MAPK10: variants seen among roughly 807,000 people sequenced by gnomAD.
MAPK10 encodes JNK3 alpha protein kinase.
MAPK10 carries 25 observed loss-of-function variants against 59.3 expected under a neutral mutation model. The ratio of observed to expected loss-of-function variants is 0.42; its 90% CI spans 0.31 to 0.59. The LOEUF is 0.59. Among genes scored for constraint, MAPK10 ranks in the 20% least tolerant of loss-of-function variants. MAPK10 has a pLI of 0.15. For missense variants in MAPK10, 351 were observed against 568.9 expected (o/e 0.62, Z 3.90); for synonymous variants, 190 against 200.5 (o/e 0.95, Z 0.44).
intron 3 of MAPK10, among the ~76,000 whole-genome samples, chr4:86,167,463 T>C (rs965316879): frequency 1.3e-5 from 2 of 152,226 alleles, no homozygotes; most frequent in African/African-American, 4.8e-5. Flanking sequence ...GATTCAAAGA[T>C]ACTCAATAAA....
chr4:86,242,142 C>A (rs1365026832), intron 2 of MAPK10, among the ~76,000 whole-genome samples: 1 of 152,016 alleles, frequency 6.6e-6, no homozygotes, highest in Non-Finnish European at 1.5e-5. Flanking sequence ...TGGGGGTTCA[C>A]TTCAGGCCCT....
At chr4:86,375,471 A>C (rs1326615131) in intron 1 of MAPK10, among the ~76,000 whole-genome samples, 1 of 152,134 alleles carries the variant, frequency 6.6e-6, no homozygotes, top group Non-Finnish European at 1.5e-5. Flanking sequence ...CTGTAATCCC[A>C]GCACTTTGGG....
chr4:86,496,470 C>G (rs973640747), intron 1 of MAPK10, among the ~76,000 whole-genome samples: 13 of 152,120 alleles, frequency 8.5e-5, no homozygotes, highest in African/African-American at 2.2e-4. Context: ...TATTTGGAAT[C>G]TGCCTATAAT....
intron 1 of MAPK10, among the ~76,000 whole-genome samples, chr4:86,435,686 T>C (rs1294969748): frequency 6.6e-6 from 1 of 152,170 alleles, no homozygotes; most frequent in Non-Finnish European, 1.5e-5. Flanking sequence ...ACCTTCTGAT[T>C]AGTCACTTTT....
chr4:86,591,952 CAT>C (rs555253261), intron 1 of MAPK10, among the ~76,000 whole-genome samples: 5 of 151,570 alleles, frequency 3.3e-5, no homozygotes, highest in Admixed American at 6.6e-5. Context: ...TTTAGTATAA[CAT>C]ATATATATAT....
Position 86,017,386 on chromosome 4 carries a change from G to A in MAPK10, c.1253-16C>T, listed in dbSNP as rs1186463230. On this transcript the variant is annotated splice_polypyrimidine_tract_variant and intron_variant, in intron 13 of 13. Transcript: ENST00000641462. This position sits in a 1 kb window ranked among gnomAD's most constrained non-coding sequence, Gnocchi z 4.4. ...ACTGCTGCACCTGTGCTAAGAAAAT[G>A]AAGACCAACATGACTCAATCTAGAA... 2 of 1,613,600 alleles carry A rather than the reference G, an allele frequency of 1.2e-6. No individual in the cohort carries two copies. Among genetic ancestry groups the A allele is most frequent in the African/African-American group, 1.3e-5 (1 of 74,902 alleles).
At chr4:86,070,322 T>C (rs950622058) in intron 9 of MAPK10, among the ~76,000 whole-genome samples, 7 of 152,120 alleles carry the variant, frequency 4.6e-5, no homozygotes, top group Non-Finnish European at 8.8e-5. Context: ...CTATGTCCAA[T>C]TTAGTTGAGC....
chr4:86,288,362 A>G (rs1414075060), intron 2 of MAPK10, among the ~76,000 whole-genome samples: 2 of 125,564 alleles, frequency 1.6e-5, no homozygotes, highest in African/African-American at 6.1e-5. Flanking sequence ...GTGATCACTA[A>G]TGTTGAACTC....
intron 1 of MAPK10, among the ~76,000 whole-genome samples, chr4:86,543,048 G>T (rs546745925): frequency 6.6e-6 from 1 of 152,156 alleles, no homozygotes; most frequent in Non-Finnish European, 1.5e-5. Flanking sequence ...CGTATAGAGG[G>T]AACCAGTGAA....
chr4:86,487,362 AGT>A (rs35053159), intron 1 of MAPK10, among the ~76,000 whole-genome samples: 5 of 148,716 alleles, frequency 3.4e-5, no homozygotes, highest in Non-Finnish European at 5.9e-5. Context: ...AGAGAGAGAG[AGT>A]GTGTGTGTGT....
intron 2 of MAPK10, among the ~76,000 whole-genome samples, chr4:86,302,876 C>G (rs984599072): frequency 2.0e-5 from 3 of 152,252 alleles, no homozygotes; most frequent in African/African-American, 7.2e-5. Context: ...AAGACTTTTA[C>G]AAATTCACAG....
chr4:86,513,747 C>T (rs574806057), intron 1 of MAPK10, among the ~76,000 whole-genome samples: 1 of 152,166 alleles, frequency 6.6e-6, no homozygotes, highest in East Asian at 1.9e-4. Flanking sequence ...AACCTTATAC[C>T]TATTGCTTGT....
chr4:86,058,489 A>T (rs1304676515), intron 11 of MAPK10, among the ~76,000 whole-genome samples: 1 of 148,738 alleles, frequency 6.7e-6, no homozygotes. Flanking sequence ...AATCTAGGCC[A>T]TTTCTCCCCA....
At chr4:86,263,872 T>A (rs973297922) in intron 2 of MAPK10, among the ~76,000 whole-genome samples, 5 of 152,238 alleles carry the variant, frequency 3.3e-5, no homozygotes, top group Non-Finnish European at 7.3e-5. Flanking sequence ...AACATCATTG[T>A]AACCCAAACA....
At chr4:86,112,061 C>A (rs2057565508) in intron 4 of MAPK10, among the ~76,000 whole-genome samples, 1 of 151,074 alleles carries the variant, frequency 6.6e-6, no homozygotes, top group Admixed American at 6.6e-5. Flanking sequence ...GGGGTGATAA[C>A]CCCTTTATCA....
At chr4:86,124,751 G>A (rs1322041565) in intron 4 of MAPK10, 4 of 151,974 alleles carry the variant, frequency 2.6e-5, no homozygotes, top group Admixed American at 2.6e-4. Flanking sequence ...TTTAGATAAA[G>A]TTCTGAATTG....
At chr4:86,323,123 G>A (rs1010853062) in intron 2 of MAPK10, among the ~76,000 whole-genome samples, 1 of 152,202 alleles carries the variant, frequency 6.6e-6, no homozygotes, top group African/African-American at 2.4e-5. Context: ...GCAGTGAGCT[G>A]AGGTTGTTCC....
intron 3 of MAPK10, among the ~76,000 whole-genome samples, chr4:86,182,976 T>C (rs2149287309): frequency 6.6e-6 from 1 of 152,236 alleles, no homozygotes; most frequent in South Asian, 2.1e-4. Flanking sequence ...CACCCAAATG[T>C]AGAAAGTTGA....
intron 2 of MAPK10, among the ~76,000 whole-genome samples, chr4:86,234,390 G>A (rs1211857742): frequency 6.6e-6 from 1 of 152,008 alleles, no homozygotes; most frequent in African/African-American, 2.4e-5. Context: ...AGTTAAAGTT[G>A]ATGTAATTAA....
Sources: gnomAD v4.1 joint callset for allele counts (sites outside exome capture counted in the v4.1 genomes callset) on GRCh38, gnomAD v4.1.1 for gene constraint, Gnocchi (gnomAD v3.1) non-coding constraint, MANE v1.5 for transcripts, NCBI Gene and HGNC (gene_info 2026-07-23, HGNC 2026-07-21) for gene names.